TENM4: variants seen among roughly 807,000 people sequenced by gnomAD.
The protein encoded by TENM4 is teneurin transmembrane protein 4, also known as teneurin-4.
A neutral mutation model predicts 243.3 loss-of-function variants in TENM4; 82 were observed. The ratio of observed to expected loss-of-function variants is 0.34; its 90% CI spans 0.28 to 0.40. The LOEUF (loss-of-function observed/expected upper bound fraction) is 0.40, where lower values mean the gene tolerates loss of function less well. TENM4 is among the 10% of genes least tolerant of loss of function. The pLI, the probability that TENM4 is intolerant of heterozygous loss-of-function variation, is 1.00. For missense variants in TENM4, 3,138 were observed against 3,673.3 expected (o/e 0.85, Z 3.77); for synonymous variants, 1,412 against 1,456.3 (o/e 0.97, Z 0.69).
intron 12 of TENM4, among the ~76,000 whole-genome samples, chr11:78,842,645 C>A (rs1325180216): frequency 6.6e-6 from 1 of 152,246 alleles, no homozygotes; most frequent in Non-Finnish European, 1.5e-5. Context: ...ACTCCTCCTA[C>A]TTCCAGTCTC....
intron 10 of TENM4, among the ~76,000 whole-genome samples, chr11:78,858,324 TG>T (rs1374025225): frequency 6.6e-6 from 1 of 151,332 alleles, no homozygotes; most frequent in Non-Finnish European, 1.5e-5. Flanking sequence ...TTCACCTAGA[TG>T]GGCTGGATGG....
At chr11:79,344,457 C>T (rs948369256) in intron 1 of TENM4, among the ~76,000 whole-genome samples, 6 of 152,176 alleles carry the variant, frequency 3.9e-5, no homozygotes, top group African/African-American at 1.4e-4. Context: ...AGATCTCATA[C>T]CCATGAAACT....
Position 79,361,770 on chromosome 11 carries a change from A to G in TENM4, c.-320-64227T>C, listed in dbSNP as rs113129953. Among the ~76,000 whole-genome samples the G allele has an allele frequency of 1.8e-3, 275 of 152,326 alleles. 3 individuals carry two copies. Among genetic ancestry groups the G allele is most frequent in the African/African-American group, 6.1e-3 (253 of 41,566 alleles). On this transcript the variant is annotated intron_variant, in intron 1 of 33. Coordinates refer to ENST00000278550, the MANE Select transcript of TENM4 (RefSeq NM_001098816.3). ...ATGGAAAATAAATATCGCAACAGAA[A>G]AAAAAAATACAGAGACTATGTATCT...
At chr11:79,134,347 T>C (rs1862068486) in intron 4 of TENM4, among the ~76,000 whole-genome samples, 2 of 152,036 alleles carry the variant, frequency 1.3e-5, no homozygotes, top group Admixed American at 1.3e-4. Flanking sequence ...AAATCATAGA[T>C]GACACAAATA....
rs1376144750 is a variant in TENM4 at position 78,729,360 on chromosome 11, C to G, written c.3406+16G>C. ...TGCAAGAGCTATTCTCTGAGTCCTG[C>G]AGCCGGGAGGCTTACCAAAGGCTTC... On this transcript the variant is annotated intron_variant, in intron 22 of 33. Transcript: ENST00000278550. 3 of 1,559,544 alleles carry G rather than the reference C, an allele frequency of 1.9e-6. No homozygotes were observed. The highest frequency in any genetic ancestry group is 2.6e-6 in the Non-Finnish European group (3 of 1,150,262).
intron 19 of TENM4, among the ~76,000 whole-genome samples, chr11:78,745,177 C>A (rs114411882): frequency 6.6e-6 from 1 of 151,582 alleles, no homozygotes; most frequent in Admixed American, 6.6e-5. Context: ...CACAATAATA[C>A]ACAACAAACC....
At chr11:79,169,675 G>C (rs1221185446) in intron 3 of TENM4, among the ~76,000 whole-genome samples, 1 of 152,114 alleles carries the variant, frequency 6.6e-6, no homozygotes, top group African/African-American at 2.4e-5. Flanking sequence ...TTAACCACAA[G>C]CCACCACCAA....
In TENM4 at chr11:79,175,008, T is replaced by C. The variant is rs138319858; in HGVS notation, c.-162-26202A>G. Among the ~76,000 whole-genome samples the C allele has an allele frequency of 1.9e-3, 291 of 152,334 alleles. 3 individuals are homozygous for C. The highest frequency in any genetic ancestry group is 6.6e-3 in the African/African-American group (274 of 41,566). The stretch of plus-strand genomic sequence containing the variant: ...AATATACTATCTATCTCTATATCAA[T>C]ATCTCTATCTATACATCTGTCTTTA... On this transcript the variant is annotated intron_variant, in intron 3 of 33. Transcript: ENST00000278550.
In TENM4 at chr11:78,695,658, T is replaced by C. The variant is rs181056596; in HGVS notation, c.5087+5868A>G. ...GATTACAGGTGTGAGCCACTGCACCTGGCTGTGGACAGTTTTTCTTTTTTT... is the reference window on the plus strand; with the variant it reads ...GATTACAGGTGTGAGCCACTGCACCCGGCTGTGGACAGTTTTTCTTTTTTT... On this transcript the variant is annotated intron_variant, in intron 28 of 33. Coordinates refer to ENST00000278550, the MANE Select transcript of TENM4 (RefSeq NM_001098816.3). 2.7e-3 allele frequency among the ~76,000 whole-genome samples: 405 copies of C among 151,158 alleles called. 2 individuals carry two copies. The highest frequency in any genetic ancestry group is 9.8e-3 in the African/African-American group (396 of 40,504).
intron 3 of TENM4, among the ~76,000 whole-genome samples, chr11:79,206,373 C>T (rs893539272): frequency 6.6e-6 from 1 of 152,178 alleles, no homozygotes; most frequent in Non-Finnish European, 1.5e-5. Context: ...GAGCTTTCTT[C>T]TAATTTGAGG....
At chr11:79,330,762 A>C (rs1387587020) in intron 1 of TENM4, among the ~76,000 whole-genome samples, 1 of 152,198 alleles carries the variant, frequency 6.6e-6, no homozygotes, top group Non-Finnish European at 1.5e-5. Context: ...GCCATTAAGC[A>C]ATGTGCCCAA....
chr11:79,115,408 T>C (rs1255776343), intron 4 of TENM4, among the ~76,000 whole-genome samples: 3 of 152,184 alleles, frequency 2.0e-5, no homozygotes, highest in Admixed American at 6.5e-5. Context: ...GACTATACCT[T>C]AGTAATTCTC....
intron 2 of TENM4, among the ~76,000 whole-genome samples, chr11:79,242,260 A>G (rs1008624474): frequency 2.6e-5 from 4 of 152,252 alleles, no homozygotes; most frequent in Admixed American, 1.3e-4. Flanking sequence ...CAGGAGGGAA[A>G]AACAGCTGTC....
intron 2 of TENM4, among the ~76,000 whole-genome samples, chr11:79,274,382 T>C (rs59370570): frequency 0.017 from 2,549 of 152,362 alleles, 91 homozygotes; most frequent in African/African-American, 0.058. Context: ...AGGAATTTCC[T>C]TACAAAGTTC....
intron 3 of TENM4, among the ~76,000 whole-genome samples, chr11:79,166,083 C>A (rs906732480): frequency 3.3e-5 from 5 of 152,170 alleles, no homozygotes; most frequent in African/African-American, 1.2e-4. Context: ...CCAGAAGAGA[C>A]CCAGAGCAGG....
chr11:78,987,244 T>C (rs75483714), intron 6 of TENM4, among the ~76,000 whole-genome samples: 1,672 of 152,252 alleles, frequency 0.011, 36 homozygotes, highest in African/African-American at 0.038. Context: ...TCCAAATGTC[T>C]ATCAACAGGT....
At chr11:79,295,898 C>A (rs868494853) in intron 2 of TENM4, among the ~76,000 whole-genome samples, 2 of 136,490 alleles carry the variant, frequency 1.5e-5, no homozygotes, top group Admixed American at 7.2e-5. Flanking sequence ...AGGGATTAAA[C>A]ACACACACAC....
intron 1 of TENM4, among the ~76,000 whole-genome samples, chr11:79,365,033 C>T (rs1040731168): frequency 1.1e-4 from 17 of 152,146 alleles, no homozygotes; most frequent in Admixed American, 5.9e-4. Flanking sequence ...TGATAATCCA[C>T]AATGGCTTTG....
At chr11:79,181,755 G>A (rs558462050) in intron 3 of TENM4, among the ~76,000 whole-genome samples, 16 of 151,550 alleles carry the variant, frequency 1.1e-4, no homozygotes, top group African/African-American at 3.9e-4. Flanking sequence ...TAGCAAGGTT[G>A]CAGGATACAA....
Sources: allele counts gnomAD v4.1 joint callset (sites outside exome capture counted in the v4.1 genomes callset), GRCh38; gene constraint gnomAD v4.1.1; transcripts MANE v1.5; gene names NCBI Gene and HGNC (gene_info 2026-07-23, HGNC 2026-07-21).